The following EPM2A variants were observed in gnomAD, a reference collection of about 807,000 sequenced individuals.
EPM2A encodes laforin.
Under a neutral mutation model 26.5 loss-of-function variants are expected in EPM2A, and 21 were observed. The observed-to-expected ratio is 0.79, with a 90% confidence interval of 0.56 to 1.14. The LOEUF (loss-of-function observed/expected upper bound fraction) is 1.14. Among genes scored for constraint, EPM2A ranks in the 50% most tolerant of loss-of-function variants. The probability of loss-of-function intolerance (pLI) is 0.00; values close to 1 mark genes in which losing one functional copy is unlikely to be tolerated. For missense variants in EPM2A, 458 were observed against 440.8 expected (o/e 1.04, Z -0.35); for synonymous variants, 217 against 177.6 (o/e 1.22, Z -1.76).
chr6:145,474,912 C>A (rs983071410), intron 4 of EPM2A, among the ~76,000 whole-genome samples: 55 of 152,248 alleles, frequency 3.6e-4, no homozygotes, highest in African/African-American at 1.3e-3. Context: ...ATCAAAACCA[C>A]AATGAGATAC....
intron 4 of EPM2A, among the ~76,000 whole-genome samples, chr6:145,418,140 T>A (rs1778734036): frequency 6.6e-6 from 1 of 152,216 alleles, no homozygotes; most frequent in Non-Finnish European, 1.5e-5. Context: ...GTTCTCCATC[T>A]GTATGTGATA....
At chr6:145,498,525 G>A (rs1779849431), downstream of EPM2A, among the ~76,000 whole-genome samples, 1 of 152,172 alleles carries the variant, frequency 6.6e-6, no homozygotes, top group Non-Finnish European at 1.5e-5. Flanking sequence ...GGGTTCATGA[G>A]GGGATCTCCT....
chr6:145,661,533 GA>G (rs1778708666), intron 2 of EPM2A, among the ~76,000 whole-genome samples: 2 of 152,136 alleles, frequency 1.3e-5, no homozygotes, highest in African/African-American at 4.8e-5. Context: ...TATTTAAGCT[GA>G]AAAGCTTTCA....
chr6:145,468,882 T>A (rs1779435291), intron 4 of EPM2A, among the ~76,000 whole-genome samples: 1 of 152,172 alleles, frequency 6.6e-6, no homozygotes, highest in Non-Finnish European at 1.5e-5. Flanking sequence ...ATTTGCTAAC[T>A]ATCCATCTGA....
At chr6:145,603,623 T>C (rs1349433035) in intron 2 of EPM2A, among the ~76,000 whole-genome samples, 1 of 152,234 alleles carries the variant, frequency 6.6e-6, no homozygotes, top group South Asian at 2.1e-4. Context: ...CTTTCCTCTT[T>C]TATATTTGTA....
chr6:145,606,656 G>A (rs1582892104), intron 2 of EPM2A, among the ~76,000 whole-genome samples: 1 of 152,170 alleles, frequency 6.6e-6, no homozygotes, highest in East Asian at 1.9e-4. Context: ...AATTATGGGA[G>A]TCACCAGGAA....
rs777393470 is a variant in EPM2A at position 145,683,464 on chromosome 6, T to C, written c.476+2658A>G. ...TTTACACCTTGCAGTGGATAACAGG[T>C]TGAATTACCTGAGAATTCAGTAGGA... On this transcript the variant is annotated intron_variant, in intron 2 of 3. Transcript: ENST00000367519. 5.6e-4 allele frequency among the ~76,000 whole-genome samples: 85 copies of C among 151,844 alleles called. 1 individual carries two copies. The highest frequency in any genetic ancestry group is 1.0e-4 in the Non-Finnish European group (7 of 67,968).
At chr6:145,401,833 G>A (rs1778494829) in intron 4 of EPM2A, among the ~76,000 whole-genome samples, 1 of 152,034 alleles carries the variant, frequency 6.6e-6, no homozygotes, top group Non-Finnish European at 1.5e-5. Context: ...CTAAATCTGG[G>A]ATATTTTGAG....
chr6:145,452,058 G>T (rs1477938350), intron 4 of EPM2A, among the ~76,000 whole-genome samples: 1 of 151,954 alleles, frequency 6.6e-6, no homozygotes, highest in African/African-American at 2.4e-5. Context: ...TTCTTCTTTG[G>T]TCTACCCCTC....
chr6:145,434,370 C>A (rs1778962255), intron 4 of EPM2A, among the ~76,000 whole-genome samples: 1 of 151,812 alleles, frequency 6.6e-6, no homozygotes, highest in African/African-American at 2.4e-5. Flanking sequence ...CTCAGGTGAT[C>A]CCCCTACCTT....
intron 4 of EPM2A, among the ~76,000 whole-genome samples, chr6:145,427,003 G>A (rs747362921): frequency 6.6e-6 from 1 of 152,098 alleles, no homozygotes; most frequent in South Asian, 2.1e-4. Flanking sequence ...CTTTGAAAGG[G>A]GAAAGAACAT....
chr6:145,408,509 A>C (rs1778600098), intron 4 of EPM2A, among the ~76,000 whole-genome samples: 1 of 152,080 alleles, frequency 6.6e-6, no homozygotes, highest in Non-Finnish European at 1.5e-5. Context: ...GGGTTTCATA[A>C]ATGGTTCTCT....
rs79202090 is a variant in EPM2A, at chr6:145,565,979, T to C, written c.341-63404A>G. 4.6e-3 allele frequency among the ~76,000 whole-genome samples: 708 copies of C among 152,298 alleles called. 25 individuals are homozygous for C. The East Asian group carries it at 0.084, about 18-fold the overall frequency. On this transcript the variant is annotated intron_variant, in intron 2 of 3. Transcript: ENST00000450221. ...AATGTTTGGATCAGTGAGCACTATTTCCATATAAGAATGGATGTTCCTTGA... is the reference window on the plus strand; with the variant it reads ...AATGTTTGGATCAGTGAGCACTATTCCCATATAAGAATGGATGTTCCTTGA...
chr6:145,502,503 G>A (rs1457227880), intron 3 of EPM2A: 1 of 469,272 alleles, frequency 2.1e-6, no homozygotes, highest in East Asian at 6.9e-5. Context: ...TCACTGGGAG[G>A]AGGTGCATAC....
At position 145,668,181 on chromosome 6, in the gene EPM2A, T is replaced by C. The variant is rs76305166; in HGVS notation, c.476+17941A>G. ...AAGTATAATAAAAAAAAAAGGTTAATAATAATTGCCTCAGTAAAGCTAAAC... is the reference window on the plus strand; with the variant it reads ...AAGTATAATAAAAAAAAAAGGTTAACAATAATTGCCTCAGTAAAGCTAAAC... On this transcript the variant is annotated intron_variant, in intron 2 of 3. Transcript: ENST00000367519. Among the ~76,000 whole-genome samples, 171 of 150,252 alleles carry C rather than the reference T, an allele frequency of 1.1e-3. 1 individual carries two copies. Among genetic ancestry groups the C allele is most frequent in the African/African-American group, 3.8e-3 (157 of 41,058 alleles).
At chr6:145,669,641 A>T (rs1562467734) in intron 2 of EPM2A, among the ~76,000 whole-genome samples, 1 of 152,190 alleles carries the variant, frequency 6.6e-6, no homozygotes, top group Non-Finnish European at 1.5e-5. Context: ...CCAAGCTTCC[A>T]CTTCAGCATG....
chr6:145,711,606 T>C lies in EPM2A; in HGVS notation c.301+23592A>G, dbSNP rs181491820. ...GAATTTAGCTTGAGATAAGAAATGA[T>C]GTCATGAAAGAGCTCAAAGAGCACC... On this transcript the variant is annotated intron_variant, in intron 1 of 3. Transcript: ENST00000367519. Among the ~76,000 whole-genome samples the C allele has an allele frequency of 1.7e-3, 266 of 152,228 alleles. 1 individual carries two copies. The highest frequency in any genetic ancestry group is 6.1e-3 in the African/African-American group (253 of 41,548).
chr6:145,505,789 A>G (rs1779964536), intron 2 of EPM2A, among the ~76,000 whole-genome samples: 1 of 152,246 alleles, frequency 6.6e-6, no homozygotes, highest in African/African-American at 2.4e-5. Flanking sequence ...AAAAATTATA[A>G]TGCATCACCA....
chr6:145,387,246 C>T (rs1778275030), intron 4 of EPM2A, among the ~76,000 whole-genome samples: 1 of 152,138 alleles, frequency 6.6e-6, no homozygotes. Flanking sequence ...AAAACGCCTA[C>T]ACACTGAGAC....
Sources: gnomAD v4.1 joint callset for allele counts (sites outside exome capture counted in the v4.1 genomes callset) on GRCh38, gnomAD v4.1.1 for gene constraint, MANE v1.5 for transcripts, NCBI Gene and HGNC (gene_info 2026-07-23, HGNC 2026-07-21) for gene names.